TLL2: variants seen among roughly 807,000 people sequenced by gnomAD.
TLL2 encodes tolloid like 2.
In TLL2, 106 loss-of-function variants were observed where a neutral mutation model predicts 123.0. The ratio of observed to expected loss-of-function variants is 0.86; its 90% confidence interval spans 0.74 to 1.01. The LOEUF (loss-of-function observed/expected upper bound fraction) is 1.01. Among genes scored for constraint, TLL2 ranks in the 50% least tolerant of loss-of-function variants. The probability of loss-of-function intolerance (pLI) is 0.00; values close to 1 mark genes in which losing one functional copy is unlikely to be tolerated. For synonymous variants in TLL2, 494 were observed against 516.8 expected (o/e 0.96, Z 0.60); for missense variants, 1,332 against 1,336.7 (o/e 1.00, Z 0.06).
At chr10:96,461,306 G>C (rs960129310) in intron 2 of TLL2, among the ~76,000 whole-genome samples, 1 of 152,022 alleles carries the variant, frequency 6.6e-6, no homozygotes, top group Non-Finnish European at 1.5e-5. Context: ...CAGAGTCCAT[G>C]GTCCAGTGTG....
intron 1 of TLL2, among the ~76,000 whole-genome samples, chr10:96,486,077 T>C (rs1302891479): frequency 6.6e-6 from 1 of 152,228 alleles, no homozygotes; most frequent in African/African-American, 2.4e-5. Context: ...CACATGTTCC[T>C]GAATCATTTT....
chr10:96,487,083 G>A (rs1364194183), intron 1 of TLL2, among the ~76,000 whole-genome samples: 2 of 152,224 alleles, frequency 1.3e-5, no homozygotes, highest in Non-Finnish European at 1.5e-5. Flanking sequence ...AAAGACCTGG[G>A]TTCCAATCCC....
At chr10:96,425,114 A>G (rs1379976141) in intron 5 of TLL2, among the ~76,000 whole-genome samples, 3 of 151,788 alleles carry the variant, frequency 2.0e-5, no homozygotes, top group Non-Finnish European at 4.4e-5. Flanking sequence ...AAATTTGTGT[A>G]TAGGTATATT....
chr10:96,424,978 C>T (rs2181323), intron 5 of TLL2, among the ~76,000 whole-genome samples: 45,358 of 149,658 alleles, frequency 0.3, 7,136 homozygotes, highest in Non-Finnish European at 0.36. Context: ...GAATAGTTAT[C>T]GGTATAAGAA....
chr10:96,370,275 C>T lies in TLL2; in HGVS notation c.2703G>A (p.Glu901=), dbSNP rs915532682. The T allele has an allele frequency of 6.9e-6, 11 of 1,604,790 alleles. No individual in the cohort carries two copies. In the African/African-American group the frequency reaches 1.5e-4, roughly 21 times the overall value. Reference sequence around the variant, plus strand: ...CCCCAAACTGGGCGTGGGAATAGAGCTCTTTGGTCTGCACTTCAGCCTTCA... The same window carrying T: ...CCCCAAACTGGGCGTGGGAATAGAGTTCTTTGGTCTGCACTTCAGCCTTCA... ...GRLKAEVQTK[E]LYSHAQFGDN... Residue 901 remains glutamate (E), a synonymous_variant, in exon 20 of 21, where the codon GAG becomes GAA. Coordinates refer to ENST00000357947, the MANE Select transcript of TLL2 (RefSeq NM_012465.4).
chr10:96,395,251 C>T lies in TLL2; in HGVS notation c.1662G>A (p.Leu554=). ...AGCCATCGGACACAAACTTCATCCACAGTCTGTTGGAGCTCGATTTCACAT... is the reference window on the plus strand; with the variant it reads ...AGCCATCGGACACAAACTTCATCCATAGTCTGTTGGAGCTCGATTTCACAT... The part of the protein sequence containing the change: ...PEDVKSSSNR[L]WMKFVSDGSI... Residue 554 remains leucine, a synonymous_variant, in exon 13 of 21, where the codon CTG becomes CTA. Coordinates refer to ENST00000357947, the MANE Select transcript of TLL2 (RefSeq NM_012465.4). The T allele has an allele frequency of 6.2e-7, 1 of 1,613,864 alleles. No individual in the cohort carries two copies. The highest frequency in any genetic ancestry group is 8.5e-7 in the Non-Finnish European group (1 of 1,179,946).
chr10:96,439,215 C>T (rs1280890978), intron 3 of TLL2, among the ~76,000 whole-genome samples: 6 of 149,134 alleles, frequency 4.0e-5, no homozygotes, highest in African/African-American at 1.5e-4. Flanking sequence ...ATTCTCCTGC[C>T]TCAGCCTCCC....
In TLL2 at chr10:96,370,072, C is replaced by G; in HGVS notation, c.2906G>C (p.Gly969Ala). Residue 969 changes from glycine (G) to alanine (A), a missense_variant, in exon 20 of 21, where the codon GGC becomes GCC. Coordinates refer to ENST00000357947, the MANE Select transcript of TLL2 (RefSeq NM_012465.4). The part of the protein sequence containing the change: ...SSAPRLGRFC[G>A]SGPLEEIYSA... ...AGCGTCTCCGGGACTTACCCCAGAG[C>G]CACAGAAGCGGCCGAGCCTGGGCGC... 1 of 1,590,828 alleles carries G rather than the reference C, an allele frequency of 6.3e-7. No individual in the cohort carries two copies. Among genetic ancestry groups the G allele is most frequent in the Non-Finnish European group, 8.6e-7 (1 of 1,168,196 alleles).
rs778380678 is a variant in TLL2, at chr10:96,370,197, G to A, written c.2781C>T (p.Asp927=). 1.9e-6 allele frequency: 3 copies of A among 1,614,004 alleles called. No individual in the cohort carries two copies. Among genetic ancestry groups the A allele is most frequent in the Admixed American group, 3.3e-5 (2 of 60,002 alleles). Reference sequence around the variant, plus strand: ...GGAATGTCAGCTCCACGCCGTAGCCGTCCTCTGCCACGATCACCCAGTCAC... The same window carrying A: ...GGAATGTCAGCTCCACGCCGTAGCCATCCTCTGCCACGATCACCCAGTCAC... ...ARCDWVIVAE[D]GYGVELTFRT... Residue 927 remains aspartate (D), a synonymous_variant, in exon 20 of 21, where the codon GAC becomes GAT. Transcript: ENST00000357947.
intron 2 of TLL2, among the ~76,000 whole-genome samples, chr10:96,478,059 G>T (rs888604340): frequency 1.3e-5 from 2 of 152,222 alleles, no homozygotes; most frequent in Non-Finnish European, 2.9e-5. Context: ...TGAGCAAGTG[G>T]CATGAGGGAG....
At chr10:96,453,833 C>T (rs1016521192) in intron 2 of TLL2, among the ~76,000 whole-genome samples, 5 of 152,166 alleles carry the variant, frequency 3.3e-5, no homozygotes, top group East Asian at 3.8e-4. Context: ...GAAATCACCA[C>T]ACTGTCCATT....
At chr10:96,500,548 C>A (rs1018090666) in intron 1 of TLL2, among the ~76,000 whole-genome samples, 3 of 152,148 alleles carry the variant, frequency 2.0e-5, no homozygotes, top group African/African-American at 7.2e-5. Flanking sequence ...AATCCCAGCA[C>A]ATTGGGAGGC....
At chr10:96,391,240 G>A (rs1028361785) in intron 13 of TLL2, among the ~76,000 whole-genome samples, 1 of 152,200 alleles carries the variant, frequency 6.6e-6, no homozygotes, top group African/African-American at 2.4e-5. Context: ...TTGCTCACTA[G>A]GTATTTACTG....
intron 13 of TLL2, among the ~76,000 whole-genome samples, chr10:96,392,656 G>A (rs1395498614): frequency 6.6e-6 from 1 of 152,040 alleles, no homozygotes; most frequent in Non-Finnish European, 1.5e-5. Context: ...CAAGGGGACT[G>A]GAATAAACAG....
chr10:96,404,288 T>TTTC (rs1414123992), intron 10 of TLL2, among the ~76,000 whole-genome samples: 2 of 152,148 alleles, frequency 1.3e-5, no homozygotes, highest in African/African-American at 4.8e-5. Context: ...TGAACTAAGC[T>TTTC]TTCTTGTTAC....
chr10:96,378,929 G>A, intron 17 of TLL2, 38 bp downstream of exon 17: 1 of 1,610,644 alleles, frequency 6.2e-7, no homozygotes. Context: ...GCGGCGAAGG[G>A]CAGCCCGCCC....
At chr10:96,385,247 A>T (rs1197762163) in intron 15 of TLL2, among the ~76,000 whole-genome samples, 1 of 152,186 alleles carries the variant, frequency 6.6e-6, no homozygotes, top group Non-Finnish European at 1.5e-5. Context: ...CTGAAGTCAC[A>T]TAGCTCAGCA....
chr10:96,458,701 G>A (rs1847043223), intron 2 of TLL2, among the ~76,000 whole-genome samples: 1 of 151,530 alleles, frequency 6.6e-6, no homozygotes. Context: ...AACCCAGGAG[G>A]CAGAGGTTGC....
chr10:96,421,031 G>C lies in TLL2; in HGVS notation c.848C>G (p.Ala283Gly). ...GQEYNFLKMEAGEVSSLGETY... is the reference protein window; with the variant it reads ...GQEYNFLKMEGGEVSSLGETY... Reference sequence around the variant, plus strand: ...CTCTCCCAGAGAGCTCACTTCCCCAGCTTCCATTTTTAAGAAATTATACTC... The same window carrying C: ...CTCTCCCAGAGAGCTCACTTCCCCACCTTCCATTTTTAAGAAATTATACTC... The change falls in exon 7 of 21, where the codon GCT (alanine) becomes GGT (glycine). Residue 283 changes from alanine (A) to glycine (G), a missense_variant. By Grantham distance (60) the Ala-to-Gly change is moderately conservative. Coordinates refer to ENST00000357947, the MANE Select transcript of TLL2 (RefSeq NM_012465.4). The C allele has an allele frequency of 6.2e-7, 1 of 1,614,032 alleles. No individual in the cohort carries two copies. Among genetic ancestry groups the C allele is most frequent in the Non-Finnish European group, 8.5e-7 (1 of 1,179,966 alleles).
Sources: gnomAD v4.1 joint callset for allele counts (sites outside exome capture counted in the v4.1 genomes callset) on GRCh38, gnomAD v4.1.1 for gene constraint, MANE v1.5 for transcripts, NCBI Gene and HGNC (gene_info 2026-07-23, HGNC 2026-07-21) for gene names.